Variants in DLG2 observed in about 807,000 individuals in gnomAD.
DLG2 encodes the protein disks large homolog 2.
In DLG2, 45 loss-of-function variants were observed where a neutral mutation model predicts 132.5. That is an observed-to-expected ratio of 0.34 (90% CI 0.27 to 0.44). DLG2 has a LOEUF of 0.44. Among genes scored for constraint, DLG2 ranks in the 20% least tolerant of loss-of-function variants. The pLI, the probability that DLG2 is intolerant of heterozygous loss-of-function variation, is 1.00. For synonymous variants in DLG2, 424 were observed against 419.6 expected (o/e 1.01, Z -0.13); for missense variants, 1,045 against 1,196.9 (o/e 0.87, Z 1.87).
intron 6 of DLG2, among the ~76,000 whole-genome samples, chr11:84,738,319 T>C (rs942491124): frequency 2.0e-5 from 3 of 152,048 alleles, no homozygotes; most frequent in Admixed American, 6.6e-5. Flanking sequence ...TAATATATTC[T>C]TTTTCAGTAA....
At chr11:84,182,545 G>T (rs557080644) in intron 8 of DLG2, among the ~76,000 whole-genome samples, 1 of 150,232 alleles carries the variant, frequency 6.7e-6, no homozygotes, top group African/African-American at 2.5e-5. Context: ...GAAAAAAAAA[G>T]AAAAAGAAAA....
chr11:84,888,822 T>C (rs2088809691), intron 6 of DLG2, among the ~76,000 whole-genome samples: 1 of 152,154 alleles, frequency 6.6e-6, no homozygotes, highest in Non-Finnish European at 1.5e-5. Flanking sequence ...ATCATTCTGC[T>C]ATTACTGTGG....
intron 7 of DLG2, among the ~76,000 whole-genome samples, chr11:84,499,811 CTTAATT>C (rs2099197603): frequency 6.6e-6 from 1 of 151,964 alleles, no homozygotes; most frequent in Non-Finnish European, 1.5e-5. Context: ...AGATTAAGCA[CTTAATT>C]TTAAATTATA....
intron 17 of DLG2, among the ~76,000 whole-genome samples, chr11:83,802,551 GT>G (rs1255350763): frequency 2.0e-5 from 3 of 152,100 alleles, no homozygotes; most frequent in Admixed American, 2.0e-4. Flanking sequence ...TTTAAACTTA[GT>G]TTTTTTGTGA....
intron 3 of DLG2, among the ~76,000 whole-genome samples, chr11:85,493,111 T>C (rs1251353668): frequency 6.6e-6 from 1 of 152,142 alleles, no homozygotes; most frequent in African/African-American, 2.4e-5. Context: ...CAGAAACAAC[T>C]AGTAATCAGG....
In DLG2 at chr11:84,789,929, T is replaced by C. The variant is rs11234183; in HGVS notation, c.358-255198A>G. Among the ~76,000 whole-genome samples, 488 of 152,334 alleles carry C rather than the reference T, an allele frequency of 3.2e-3. 4 individuals are homozygous for C. Among genetic ancestry groups the C allele is most frequent in the African/African-American group, 0.011 (458 of 41,582 alleles). The stretch of plus-strand genomic sequence containing the variant: ...AGTGTCAGGATCTCATTCCTTTTTA[T>C]AGTTGAACAGTACTCCATTGTGTAT... On this transcript the variant is annotated intron_variant, in intron 6 of 27. Coordinates refer to ENST00000376104, the MANE Select transcript of DLG2 (RefSeq NM_001142699.3).
intron 3 of DLG2, among the ~76,000 whole-genome samples, chr11:85,400,730 A>C (rs886850809): frequency 6.6e-6 from 1 of 151,336 alleles, no homozygotes; most frequent in Admixed American, 6.6e-5. Flanking sequence ...GGAATTGAAC[A>C]ATGAGAACAC....
intron 6 of DLG2, among the ~76,000 whole-genome samples, chr11:85,099,147 G>A (rs1055704995): frequency 6.6e-6 from 1 of 152,206 alleles, no homozygotes; most frequent in African/African-American, 2.4e-5. Context: ...GTACAAATCT[G>A]CAGAGCTCCT....
At chr11:84,983,253 A>C (rs1405537505) in intron 6 of DLG2, among the ~76,000 whole-genome samples, 1 of 152,092 alleles carries the variant, frequency 6.6e-6, no homozygotes, top group Non-Finnish European at 1.5e-5. Context: ...GACCCAGGAG[A>C]CGCCCCAAAT....
intron 6 of DLG2, among the ~76,000 whole-genome samples, chr11:84,790,109 C>T (rs555372451): frequency 6.6e-6 from 1 of 152,170 alleles, no homozygotes; most frequent in African/African-American, 2.4e-5. Context: ...GCGAGCAGTA[C>T]GATTGCTGGA....
chr11:84,207,656 C>T (rs1452149634), intron 8 of DLG2, among the ~76,000 whole-genome samples: 1 of 152,070 alleles, frequency 6.6e-6, no homozygotes, highest in Non-Finnish European at 1.5e-5. Flanking sequence ...GATTAAAAAC[C>T]ATTATGTAAT....
At chr11:85,227,277 T>C (rs768118373) in intron 4 of DLG2, among the ~76,000 whole-genome samples, 63 of 152,128 alleles carry the variant, frequency 4.1e-4, no homozygotes, top group Non-Finnish European at 7.8e-4. Flanking sequence ...TAAATAAAGA[T>C]TACCAGTTTG....
At chr11:84,502,227 C>CTTCCTTCCTTCCTTCCTTCCTTTCCT (rs2099213203) in intron 7 of DLG2, among the ~76,000 whole-genome samples, 1 of 14,122 alleles carries the variant, frequency 7.1e-5, no homozygotes, top group African/African-American at 1.7e-3. Flanking sequence ...TCCTTCCTTC[C>CTTCCTTCCTTCCTTCCTTCCTTTCCT]TTCCTTCCTT....
chr11:84,005,198 T>G (rs771668438), intron 11 of DLG2, among the ~76,000 whole-genome samples: 1 of 151,968 alleles, frequency 6.6e-6, no homozygotes, highest in African/African-American at 2.4e-5. Flanking sequence ...TACATCCACA[T>G]GTTTATAGCC....
Position 85,075,399 on chromosome 11 carries a change from A to C in DLG2, c.357+36262T>G, listed in dbSNP as rs189588408. 2.6e-3 allele frequency among the ~76,000 whole-genome samples: 394 copies of C among 152,022 alleles called. 1 individual carries two copies. The highest frequency in any genetic ancestry group is 4.1e-3 in the Non-Finnish European group (279 of 67,898). On this transcript the variant is annotated intron_variant, in intron 6 of 27. Coordinates refer to ENST00000376104, the MANE Select transcript of DLG2 (RefSeq NM_001142699.3). ...CTAAAATCTGTGAAAACTTAGAAGC[A>C]ATCTAAATATTTAAATAGGAAATAG... is the stretch of plus-strand genomic sequence containing the variant.
intron 21 of DLG2, among the ~76,000 whole-genome samples, chr11:83,517,795 C>T (rs963640908): frequency 5.9e-5 from 9 of 152,200 alleles, no homozygotes; most frequent in African/African-American, 2.2e-4. Context: ...ACTCCAGACC[C>T]TGTTTGCCTG....
intron 6 of DLG2, among the ~76,000 whole-genome samples, chr11:84,671,095 A>G (rs1305271277): frequency 1.3e-5 from 2 of 148,836 alleles, no homozygotes; most frequent in Non-Finnish European, 3.0e-5. Flanking sequence ...CGAGTACAAT[A>G]ATTTTTTTTT....
intron 6 of DLG2, among the ~76,000 whole-genome samples, chr11:84,921,345 A>C (rs2092748786): frequency 6.6e-6 from 1 of 152,166 alleles, no homozygotes; most frequent in African/African-American, 2.4e-5. Context: ...TGTTTGTGGC[A>C]ATGCATATGG....
intron 6 of DLG2, among the ~76,000 whole-genome samples, chr11:84,773,410 T>G (rs1402374493): frequency 6.6e-6 from 1 of 152,150 alleles, no homozygotes; most frequent in Non-Finnish European, 1.5e-5. Flanking sequence ...GACTCCTCCC[T>G]AACTCATTCT....
Sources: allele counts gnomAD v4.1 joint callset (sites outside exome capture counted in the v4.1 genomes callset), GRCh38; gene constraint gnomAD v4.1.1; transcripts MANE v1.5; gene names NCBI Gene and HGNC (gene_info 2026-07-23, HGNC 2026-07-21).